The following ADAM32 variants were observed in gnomAD, a reference collection of about 807,000 sequenced individuals.
ADAM32 encodes the protein disintegrin and metalloproteinase domain-containing protein 32.
A neutral mutation model predicts 114.9 loss-of-function variants in ADAM32; 89 were observed. That is an observed-to-expected ratio of 0.77 (90% CI 0.65 to 0.92). ADAM32 has a LOEUF of 0.92. Among genes scored for constraint, ADAM32 ranks in the 40% least tolerant of loss-of-function variants. The pLI is 0.00. For missense variants in ADAM32, 870 were observed against 932.8 expected, an observed-to-expected ratio of 0.93 and a Z score of 0.88; for synonymous variants, 285 against 307.5, an observed-to-expected ratio of 0.93 and a Z score of 0.77.
intron 3 of ADAM32, among the ~76,000 whole-genome samples, chr8:39,144,606 T>G (rs74584014): frequency 0.033 from 5,074 of 152,282 alleles, 295 homozygotes; most frequent in African/African-American, 0.12. Flanking sequence ...AGTATCCACA[T>G]TCTTTCATGA....
At chr8:39,232,897 A>G (rs923036291) in intron 15 of ADAM32, among the ~76,000 whole-genome samples, 2 of 152,192 alleles carry the variant, frequency 1.3e-5, no homozygotes, top group Non-Finnish European at 2.9e-5. Flanking sequence ...TTTGAATCAT[A>G]TTAATATCAT....
chr8:39,217,907 G>A (rs1808699278), intron 12 of ADAM32, among the ~76,000 whole-genome samples: 1 of 152,126 alleles, frequency 6.6e-6, no homozygotes. Context: ...GATTTTCCTG[G>A]ATGGTCTTGA....
intron 20 of ADAM32, among the ~76,000 whole-genome samples, chr8:39,273,860 A>G (rs1294703346): frequency 1.3e-5 from 2 of 152,118 alleles, no homozygotes; most frequent in Non-Finnish European, 2.9e-5. Flanking sequence ...TTGTTTTGCC[A>G]GCTCACTCTG....
intron 3 of ADAM32, among the ~76,000 whole-genome samples, chr8:39,141,061 T>A (rs1228710434): frequency 6.6e-6 from 1 of 152,208 alleles, no homozygotes; most frequent in Non-Finnish European, 1.5e-5. Flanking sequence ...TTTTATTGCA[T>A]CTATTTGATT....
At chr8:39,187,933 A>C (rs145324460) in intron 11 of ADAM32, among the ~76,000 whole-genome samples, 70 of 152,280 alleles carry the variant, frequency 4.6e-4, no homozygotes, top group African/African-American at 1.7e-3. Flanking sequence ...AAACTTATTA[A>C]TCTTCCCCAG....
chr8:39,230,328 C>CATCT (rs1809656766), intron 14 of ADAM32, among the ~76,000 whole-genome samples: 1 of 152,146 alleles, frequency 6.6e-6, no homozygotes, highest in Admixed American at 6.5e-5. Flanking sequence ...AGAAAGTGAT[C>CATCT]ATCTAATACT....
At chr8:39,176,141 G>C (rs573299365) in intron 10 of ADAM32, among the ~76,000 whole-genome samples, 2 of 152,148 alleles carry the variant, frequency 1.3e-5, no homozygotes, top group East Asian at 3.9e-4. Flanking sequence ...GCAGCTCCTG[G>C]ATTCATTGAT....
At chr8:39,112,770 G>C (rs1840219368) in intron 1 of ADAM32, among the ~76,000 whole-genome samples, 1 of 152,182 alleles carries the variant, frequency 6.6e-6, no homozygotes, top group East Asian at 1.9e-4. Flanking sequence ...TACACTGAAA[G>C]GGTTTAAATA....
At position 39,267,784 on chromosome 8, in the gene ADAM32, A is replaced by C. The variant is rs987194740; in HGVS notation, c.2163-3092A>C. ...CAATCTAAGCTGAACCCGGTTGGCT[A>C]ACTTGAAAAGTGCAGGAATGCGGTT... On this transcript the variant is annotated intron_variant, in intron 19 of 24. Transcript: ENST00000379907. Among the ~76,000 whole-genome samples, 6 of 152,308 alleles carry C rather than the reference A, an allele frequency of 3.9e-5. 1 individual carries two copies. The highest frequency in any genetic ancestry group is 2.0e-4 in the Admixed American group (3 of 15,298).
intron 12 of ADAM32, among the ~76,000 whole-genome samples, chr8:39,213,057 A>G (rs563775239): frequency 1.1e-4 from 17 of 152,232 alleles, no homozygotes; most frequent in African/African-American, 2.9e-4. Flanking sequence ...ATAATTGTGT[A>G]TATTTCTGGG....
chr8:39,141,008 T>G (rs1803118249), intron 3 of ADAM32, among the ~76,000 whole-genome samples: 1 of 152,200 alleles, frequency 6.6e-6, no homozygotes, highest in Non-Finnish European at 1.5e-5. Context: ...TTCTCTGATG[T>G]TTGTATTTCT....
intron 11 of ADAM32, among the ~76,000 whole-genome samples, chr8:39,202,056 G>T (rs886726121): frequency 6.6e-6 from 1 of 152,140 alleles, no homozygotes; most frequent in African/African-American, 2.4e-5. Context: ...TTTTTGCATT[G>T]ATGTTCATCA....
intron 16 of ADAM32, among the ~76,000 whole-genome samples, chr8:39,244,053 C>A (rs1484034742): frequency 1.3e-5 from 2 of 151,910 alleles, no homozygotes; most frequent in Non-Finnish European, 2.9e-5. Context: ...ACAAAACCCC[C>A]CAATATACTT....
intron 12 of ADAM32, among the ~76,000 whole-genome samples, chr8:39,217,119 T>TTA (rs1554617222): frequency 2.5e-4 from 31 of 124,040 alleles, no homozygotes; most frequent in African/African-American, 8.4e-4. Context: ...ATATATATAT[T>TTA]TTTTTACCAG....
At chr8:39,226,661 T>G (rs1443267638) in intron 14 of ADAM32, among the ~76,000 whole-genome samples, 2 of 152,118 alleles carry the variant, frequency 1.3e-5, no homozygotes, top group Non-Finnish European at 2.9e-5. Flanking sequence ...AAGAATACTT[T>G]ATCTGGCAAA....
rs1477579719 is a variant in ADAM32, at chr8:39,143,150, A to G, written c.201-3980A>G. 3.9e-5 allele frequency among the ~76,000 whole-genome samples: 6 copies of G among 152,278 alleles called. No individual in the cohort carries two copies. In the East Asian group the frequency reaches 1.2e-3, roughly 29 times the overall value. On this transcript the variant is annotated intron_variant, in intron 3 of 24. Transcript: ENST00000379907. ...TTTGGCTTCCTTGTGATGGGTTACA[A>G]CATGCTCCTTTAGCTTGGAGAAATT...
At chr8:39,186,776 C>A in intron 10 of ADAM32, 133 bp from the exon 11 acceptor site, 1 of 688,078 alleles carries the variant, frequency 1.5e-6, no homozygotes, top group Non-Finnish European at 2.2e-6. Context: ...CAGCTTCTCA[C>A]CTGTTCAAGG....
chr8:39,264,726 C>T (rs538934754), intron 19 of ADAM32, among the ~76,000 whole-genome samples: 1 of 152,148 alleles, frequency 6.6e-6, no homozygotes, highest in Admixed American at 6.5e-5. Context: ...TAGCTGTGTC[C>T]CAGAGTTTCT....
intron 10 of ADAM32, among the ~76,000 whole-genome samples, chr8:39,178,783 C>A (rs1805669588): frequency 6.6e-6 from 1 of 152,108 alleles, no homozygotes. Flanking sequence ...GCCACTCTTT[C>A]ATAGGGCTGC....
Sources: gnomAD v4.1 joint callset for allele counts (sites outside exome capture counted in the v4.1 genomes callset) on GRCh38, gnomAD v4.1.1 for gene constraint, MANE v1.5 for transcripts, NCBI Gene and HGNC (gene_info 2026-07-23, HGNC 2026-07-21) for gene names.